PDLIM2: variants seen among roughly 807,000 people sequenced by gnomAD.
PDLIM2 encodes the protein PDZ and LIM domain 2.
Under a neutral mutation model 54.1 loss-of-function variants are expected in PDLIM2, and 51 were observed. The ratio of observed to expected loss-of-function variants is 0.94; its 90% confidence interval spans 0.75 to 1.19. PDLIM2 has a LOEUF of 1.19. Among genes scored for constraint, PDLIM2 ranks in the 50% most tolerant of loss-of-function variants. The pLI is 0.00. For synonymous variants in PDLIM2, 398 were observed against 385.6 expected, an observed-to-expected ratio of 1.03 and a Z score of -0.38; for missense variants, 912 against 874.0, an observed-to-expected ratio of 1.04 and a Z score of -0.55.
intron 3 of PDLIM2, 33 bp from the exon 3 acceptor site, chr8:22,584,788 C>T (rs1270060328): frequency 7.5e-6 from 12 of 1,609,144 alleles, no homozygotes; most frequent in Non-Finnish European, 9.4e-6. Flanking sequence ...TGCAGGGCCC[C>T]TGTGACATTC....
chr8:22,589,534 C>G, intron 7 of PDLIM2, 62 bp from the exon 7 acceptor site: 1 of 1,554,656 alleles, frequency 6.4e-7, no homozygotes, highest in Non-Finnish European at 8.7e-7. Flanking sequence ...CTGCCCCCCA[C>G]CCCCTTGCTT....
chr8:22,579,111 C>T (rs1800113334), exon 1 of PDLIM2: 6 of 1,273,638 alleles, frequency 4.7e-6, no homozygotes, highest in Non-Finnish European at 4.9e-6. Context: ...GGTCCGGGAG[C>T]CCCGGGCGGG....
At chr8:22,579,274 C>T (rs1451334666) in exon 1 of PDLIM2, 2 of 1,368,166 alleles carry the variant, frequency 1.5e-6, no homozygotes, top group South Asian at 3.5e-5. Flanking sequence ...TCCCCGGCGC[C>T]GGGCTCCTCT....
intron 8 of PDLIM2, 55 bp downstream of exon 7, chr8:22,589,796 C>T (rs775745930): frequency 1.4e-5 from 21 of 1,546,786 alleles, no homozygotes; most frequent in Admixed American, 2.0e-5. Flanking sequence ...TACCCCGGGC[C>T]CTGACTGGAT....
chr8:22,584,260 C>A (rs1800303131), intron 3 of PDLIM2, among the ~76,000 whole-genome samples: 1 of 151,332 alleles, frequency 6.6e-6, no homozygotes, highest in South Asian at 2.1e-4. Context: ...GAGATTCACC[C>A]TCCTTGGCCT....
chr8:22,596,185 T>C (rs1483417930), downstream of PDLIM2: 1 of 152,252 alleles, frequency 6.6e-6, no homozygotes, highest in Non-Finnish European at 1.5e-5. Flanking sequence ...CCCACCTGTA[T>C]GTAGCACGCC....
At chr8:22,597,610 G>A (rs546021197), downstream of PDLIM2, 1 of 152,724 alleles carries the variant, frequency 6.5e-6, no homozygotes, top group East Asian at 1.9e-4. Flanking sequence ...GAGACTGTTT[G>A]GAATCCCGCC....
At chr8:22,594,694 C>G (rs1455813505), downstream of PDLIM2, 9 of 1,574,972 alleles carry the variant, frequency 5.7e-6, no homozygotes, top group South Asian at 1.1e-4. Flanking sequence ...AAGGGTTGGG[C>G]CCCCGGGGCC....
intron 4 of PDLIM2, 50 bp downstream of exon 3, chr8:22,584,940 A>G (rs758786117): frequency 1.2e-6 from 2 of 1,613,832 alleles, no homozygotes; most frequent in South Asian, 1.1e-5. Flanking sequence ...TCACTGGTGC[A>G]TGAAAGTGAG....
intron 6 of PDLIM2, among the ~76,000 whole-genome samples, chr8:22,585,941 C>G (rs1800370377): frequency 6.6e-6 from 1 of 151,870 alleles, no homozygotes; most frequent in Admixed American, 6.6e-5. Context: ...CCCCTGGACT[C>G]TCTTTCAGCC....
At chr8:22,593,951 T>A in exon 10 of PDLIM2, 3 of 1,535,080 alleles carry the variant, frequency 2.0e-6, no homozygotes, top group Non-Finnish European at 2.6e-6. Context: ...TGGGCCAGGG[T>A]CATGCCTATA....
exon 10 of PDLIM2, chr8:22,594,297 A>C (rs1800636523): frequency 1.4e-6 from 2 of 1,407,900 alleles, no homozygotes; most frequent in Non-Finnish European, 1.8e-6. Flanking sequence ...GGACAAAATA[A>C]AGTAGATGTC....
intron 2 of PDLIM2, 42 bp from the exon 2 acceptor site, chr8:22,581,337 G>C (rs759700896): frequency 1.3e-6 from 2 of 1,554,798 alleles, no homozygotes; most frequent in Admixed American, 1.9e-5. Flanking sequence ...CCCTTCTCCA[G>C]CTGGGCCACG....
At chr8:22,582,675 G>T (rs1034077113) in intron 3 of PDLIM2, among the ~76,000 whole-genome samples, 1 of 149,264 alleles carries the variant, frequency 6.7e-6, no homozygotes, top group African/African-American at 2.5e-5. Context: ...TCTGCCTCCC[G>T]GGTTCAAGAG....
chr8:22,585,525 C>T (rs1800349480), intron 6 of PDLIM2, 126 bp downstream of exon 5: 1 of 911,636 alleles, frequency 1.1e-6, no homozygotes, highest in Non-Finnish European at 1.7e-6. Flanking sequence ...TTCTCCTGGC[C>T]ACAGGCATGC....
chr8:22,579,167 C>T (rs1800115841), exon 1 of PDLIM2: 2 of 1,348,960 alleles, frequency 1.5e-6, no homozygotes, highest in Admixed American at 7.2e-5. Flanking sequence ...GTGGCGTCTC[C>T]CCGCCTTCCC....
intron 6 of PDLIM2, among the ~76,000 whole-genome samples, chr8:22,586,184 A>G (rs1337355292): frequency 6.6e-6 from 1 of 152,158 alleles, no homozygotes; most frequent in Non-Finnish European, 1.5e-5. Flanking sequence ...GGGGGTGGCC[A>G]GGGAGGGCAC....
chr8:22,588,694 G>A (rs770290179), intron 6 of PDLIM2: 1 of 153,156 alleles, frequency 6.5e-6, no homozygotes, highest in South Asian at 2.0e-4. Flanking sequence ...GGGAGGGCTC[G>A]GCTCCCCAAA....
At chr8:22,591,326 CCTTGGATGGGCAA>C in intron 8 of PDLIM2, 1 of 586,098 alleles carries the variant, frequency 1.7e-6, no homozygotes, top group Admixed American at 2.9e-5. Context: ...CCCCAGGTGG[CCTTGGATGGGCAA>C]ACTCGGCCTT....
Sources: allele counts gnomAD v4.1 joint callset (sites outside exome capture counted in the v4.1 genomes callset), GRCh38; gene constraint gnomAD v4.1.1; transcripts MANE v1.5; gene names NCBI Gene and HGNC (gene_info 2026-07-23, HGNC 2026-07-21).